B4GALT1: variants seen among roughly 807,000 people sequenced by gnomAD.
The protein encoded by B4GALT1 is N-acetyllactosamine synthase.
In B4GALT1, 16 loss-of-function variants were observed where a neutral mutation model predicts 34.9. The ratio of observed to expected loss-of-function variants is 0.46; its 90% confidence interval spans 0.31 to 0.70. B4GALT1 has a LOEUF of 0.70. Ranked by LOEUF, B4GALT1 falls within the 30% of genes least tolerant of loss-of-function variation. The probability of loss-of-function intolerance (pLI) is 0.05; values close to 1 mark genes in which losing one functional copy is unlikely to be tolerated. For synonymous variants in B4GALT1, 221 were observed against 218.1 expected (o/e 1.01, Z -0.12); for missense variants, 445 against 530.5 (o/e 0.84, Z 1.58).
chr9:33,157,121 TACACACACACACACAC>T (rs199541947), intron 1 of B4GALT1, among the ~76,000 whole-genome samples: 4 of 113,252 alleles, frequency 3.5e-5, no homozygotes, highest in East Asian at 5.6e-4. Context: ...CATAGGGAAC[TACACACACACACACAC>T]ACACACACAC....
chr9:33,125,202 C>T (rs370736015), intron 2 of B4GALT1, among the ~76,000 whole-genome samples: 3 of 152,034 alleles, frequency 2.0e-5, no homozygotes, highest in South Asian at 2.1e-4. Flanking sequence ...ACTCTGGAGG[C>T]GGTGCTGGGA....
At chr9:33,170,496 G>A (rs1221526990), upstream of B4GALT1, among the ~76,000 whole-genome samples, 1 of 152,136 alleles carries the variant, frequency 6.6e-6, no homozygotes, top group East Asian at 1.9e-4. Context: ...AGTGGAGGGG[G>A]AAATGGGGAT....
At chr9:33,138,137 C>T (rs185096908) in intron 1 of B4GALT1, among the ~76,000 whole-genome samples, 2 of 152,202 alleles carry the variant, frequency 1.3e-5, no homozygotes, top group African/African-American at 2.4e-5. Flanking sequence ...CTCGCTTCCG[C>T]GGGACAGACA....
intron 3 of B4GALT1, among the ~76,000 whole-genome samples, chr9:33,119,229 TA>T (rs1263220823): frequency 1.3e-5 from 2 of 151,968 alleles, no homozygotes; most frequent in African/African-American, 4.8e-5. Context: ...TATACAAGTT[TA>T]TTTATATATT....
chr9:33,133,630 G>C (rs1472720748), intron 2 of B4GALT1, among the ~76,000 whole-genome samples: 2 of 152,220 alleles, frequency 1.3e-5, no homozygotes, highest in African/African-American at 2.4e-5. Flanking sequence ...CTTCCAAGGT[G>C]ACCCACAACT....
chr9:33,118,163 G>C (rs188292903), intron 3 of B4GALT1, among the ~76,000 whole-genome samples: 1 of 152,330 alleles, frequency 6.6e-6, no homozygotes, highest in African/African-American at 2.4e-5. Flanking sequence ...AAGGGTGAAA[G>C]CGGGGACGGA....
At position 33,112,976 on chromosome 9, in the gene B4GALT1, C is replaced by A; in HGVS notation, c.*478G>T. ...CTGAAAGAAGGGGGTGGGGGGAGGA[C>A]GTAACATTAAGAATGGTTGAAATTT... On this transcript the variant is annotated 3_prime_UTR_variant, in exon 6 of 6. Coordinates refer to ENST00000379731, the MANE Select transcript of B4GALT1 (RefSeq NM_001497.4). The A allele has an allele frequency of 4.0e-6, 1 of 252,178 alleles. No individual in the cohort carries two copies. Among genetic ancestry groups the A allele is most frequent in the Non-Finnish European group, 7.9e-6 (1 of 126,690 alleles). 15.6% of individuals were successfully genotyped at this position (252,178 alleles called of 1,614,324 possible).
rs10971429 is a variant in B4GALT1 at position 33,150,049 on chromosome 9, C to T, written c.413-14625G>A. Among the ~76,000 whole-genome samples the T allele has an allele frequency of 4.5e-3, 680 of 151,950 alleles. 8 individuals are homozygous for T. The highest frequency in any genetic ancestry group is 0.029 in the Admixed American group (437 of 15,244). On this transcript the variant is annotated intron_variant, in intron 1 of 5. Transcript: ENST00000379731. The stretch of plus-strand genomic sequence containing the variant: ...GTTGATGTCCTGATTGTTAATTATA[C>T]TATGTTTATATATATATTTTTAAAT...
In B4GALT1 at chr9:33,166,990, C is replaced by A; in HGVS notation, c.180G>T (p.Leu60=). The part of the protein sequence containing the change: ...LPQLVGVSTP[L]QGGSNSAAAI... ...CGGCGGCACTGTTCGAGCCGCCCTG[C>A]AGCGGTGTGGAGACTCCGACCAGTT... Residue 60 remains leucine (L), a synonymous_variant, in exon 1 of 6, where the codon CTG becomes CTT. Transcript: ENST00000379731. The A allele has an allele frequency of 6.3e-7, 1 of 1,591,658 alleles. No individual in the cohort carries two copies. The highest frequency in any genetic ancestry group is 1.1e-5 in the South Asian group (1 of 89,562).
At chr9:33,163,272 C>G (rs1343975519) in intron 1 of B4GALT1, among the ~76,000 whole-genome samples, 2 of 152,188 alleles carry the variant, frequency 1.3e-5, no homozygotes, top group African/African-American at 4.8e-5. Context: ...AGACGCTCAG[C>G]AACAGCCCCC....
intron 1 of B4GALT1, among the ~76,000 whole-genome samples, chr9:33,154,870 G>C (rs2118267630): frequency 6.6e-6 from 1 of 152,120 alleles, no homozygotes; most frequent in South Asian, 2.1e-4. Context: ...GCTATAATTA[G>C]TGTATTTTAT....
At chr9:33,168,807 G>T (rs1257418177), upstream of B4GALT1, among the ~76,000 whole-genome samples, 2 of 152,118 alleles carry the variant, frequency 1.3e-5, no homozygotes, top group Non-Finnish European at 2.9e-5. Context: ...TCTCTTCCCT[G>T]ACCTCCAGAT....
intron 1 of B4GALT1, among the ~76,000 whole-genome samples, chr9:33,147,613 G>A (rs749789849): frequency 2.6e-5 from 4 of 152,182 alleles, no homozygotes; most frequent in Non-Finnish European, 4.4e-5. Context: ...GTTTACTGAG[G>A]AGAGTCAGCA....
chr9:33,181,423 T>TACACACTCACACAC, the B4GALT1 span, among the ~76,000 whole-genome samples: 1 of 137,052 alleles, frequency 7.3e-6, no homozygotes, highest in Non-Finnish European at 1.6e-5. Context: ...GACCCTGTCT[T>TACACACTCACACAC]ACACACACAC....
intron 1 of B4GALT1, among the ~76,000 whole-genome samples, chr9:33,155,110 G>A (rs961542522): frequency 1.3e-5 from 2 of 152,146 alleles, no homozygotes; most frequent in Non-Finnish European, 2.9e-5. Flanking sequence ...ACATGGCTAC[G>A]TCAGAACTCC....
chr9:33,135,159 C>T lies in B4GALT1; in HGVS notation c.648+30G>A, dbSNP rs745806568. ...GATACACATCTGCATGCACACACAC[C>T]CTCTCTCATTCCACCTTCCCAGGCC... is the stretch of plus-strand genomic sequence containing the variant. On this transcript the variant is annotated intron_variant, in intron 2 of 5. Coordinates refer to ENST00000379731, the MANE Select transcript of B4GALT1 (RefSeq NM_001497.4). 2.0e-5 allele frequency: 31 copies of T among 1,587,794 alleles called. No homozygotes were observed. In the South Asian group the frequency reaches 3.2e-4, roughly 16 times the overall value.
rs1307078141 is a variant in B4GALT1 at position 33,152,684 on chromosome 9, G to T, written c.412+14074C>A. Among the ~76,000 whole-genome samples the T allele has an allele frequency of 2.0e-5, 3 of 152,164 alleles. No individual in the cohort carries two copies. The East Asian group carries it at 5.8e-4, about 29-fold the overall frequency. On this transcript the variant is annotated intron_variant, in intron 1 of 5. Coordinates refer to ENST00000379731, the MANE Select transcript of B4GALT1 (RefSeq NM_001497.4). ...TTGAGGCCAGTTTGAAACCAGCCTG[G>T]CCAACATGGTGAAACCCCATCTCTG...
At chr9:33,163,773 C>A (rs150579789) in intron 1 of B4GALT1, among the ~76,000 whole-genome samples, 1 of 152,212 alleles carries the variant, frequency 6.6e-6, no homozygotes, top group Non-Finnish European at 1.5e-5. Flanking sequence ...TGCCGCATGG[C>A]CCCGCTGAGG....
chr9:33,143,662 C>G (rs539366702), intron 1 of B4GALT1, among the ~76,000 whole-genome samples: 1 of 152,340 alleles, frequency 6.6e-6, no homozygotes, highest in East Asian at 1.9e-4. Context: ...ATGCAATTCC[C>G]TGGACTACAT....
Sources: allele counts gnomAD v4.1 joint callset (sites outside exome capture counted in the v4.1 genomes callset), GRCh38; gene constraint gnomAD v4.1.1; transcripts MANE v1.5; gene names NCBI Gene and HGNC (gene_info 2026-07-23, HGNC 2026-07-21).